LYN: variants seen among roughly 807,000 people sequenced by gnomAD.
LYN encodes tyrosine-protein kinase Lyn.
LYN carries 12 observed loss-of-function variants against 65.0 expected under a neutral mutation model. The observed-to-expected ratio is 0.18, with a 90% CI of 0.12 to 0.30. The LOEUF (loss-of-function observed/expected upper bound fraction) is 0.30. LYN is among the 10% of genes least tolerant of loss of function. LYN has a pLI of 1.00. For synonymous variants in LYN, 222 were observed against 221.2 expected (o/e 1.00, Z -0.03); for missense variants, 380 against 623.2 (o/e 0.61, Z 4.16).
intron 1 of LYN, among the ~76,000 whole-genome samples, chr8:55,900,967 A>G (rs1241759956): frequency 6.6e-6 from 1 of 152,014 alleles, no homozygotes. Context: ...GGCAAAGAAG[A>G]CGTGGATTGA....
At chr8:55,968,164 A>T (rs1425620670) in intron 9 of LYN, among the ~76,000 whole-genome samples, 1 of 152,148 alleles carries the variant, frequency 6.6e-6, no homozygotes, top group Non-Finnish European at 1.5e-5. Flanking sequence ...ACCTTATAGG[A>T]GTTCAGTAAA....
At chr8:55,920,944 G>A (rs1000053078) in intron 1 of LYN, among the ~76,000 whole-genome samples, 5 of 152,072 alleles carry the variant, frequency 3.3e-5, no homozygotes, top group Non-Finnish European at 5.9e-5. Context: ...TGATCTGCCC[G>A]CCTTAGCCTC....
chr8:55,936,504 G>A lies in LYN; in HGVS notation c.-5-5351G>A, dbSNP rs1303261632. On this transcript the variant is annotated intron_variant, in intron 1 of 12. Transcript: ENST00000519728. ...AAAACACAAAAGTTAGCCAGGTGTG[G>A]TGGTGGGCACCTGTAATCCCAGCTA... 5.9e-5 allele frequency among the ~76,000 whole-genome samples: 9 copies of A among 152,310 alleles called. No homozygotes were observed. The South Asian group carries it at 1.7e-3, about 28-fold the overall frequency.
At chr8:55,911,285 A>ATTTTT (rs1209633804) in intron 1 of LYN, among the ~76,000 whole-genome samples, 1 of 27,774 alleles carries the variant, frequency 3.6e-5, no homozygotes, top group Non-Finnish European at 6.0e-5. Flanking sequence ...ATATATATAT[A>ATTTTT]TTTTTTTTTT....
At chr8:55,934,414 G>A (rs768187415) in intron 1 of LYN, among the ~76,000 whole-genome samples, 2 of 152,218 alleles carry the variant, frequency 1.3e-5, no homozygotes, top group Non-Finnish European at 2.9e-5. Context: ...CAGGGTTGCT[G>A]CTGTGCTGTT....
intron 1 of LYN, among the ~76,000 whole-genome samples, chr8:55,924,848 CTT>C (rs1806056679): frequency 6.6e-6 from 1 of 151,964 alleles, no homozygotes; most frequent in African/African-American, 2.4e-5. Flanking sequence ...AATGGTTTCC[CTT>C]TTGTTTGTTT....
chr8:55,895,312 C>T (rs567371547), intron 1 of LYN, among the ~76,000 whole-genome samples: 26 of 152,078 alleles, frequency 1.7e-4, no homozygotes, highest in African/African-American at 5.8e-4. Flanking sequence ...GAAGTGAGTC[C>T]CTTAGTTGGA....
chr8:55,984,257 T>A (rs560016271), intron 10 of LYN, among the ~76,000 whole-genome samples: 1 of 152,320 alleles, frequency 6.6e-6, no homozygotes, highest in African/African-American at 2.4e-5. Context: ...GGACATTAGT[T>A]AATCCAGCAC....
intron 8 of LYN, among the ~76,000 whole-genome samples, chr8:55,955,622 C>A (rs1807084548): frequency 6.6e-6 from 1 of 152,220 alleles, no homozygotes; most frequent in African/African-American, 2.4e-5. Flanking sequence ...CCTCCATCTA[C>A]TTTCAAAATG....
At chr8:55,928,987 A>ATACT (rs1554577977) in intron 1 of LYN, among the ~76,000 whole-genome samples, 4 of 152,068 alleles carry the variant, frequency 2.6e-5, no homozygotes, top group Non-Finnish European at 5.9e-5. Flanking sequence ...ATTTATTTAC[A>ATACT]TACTTATTTA....
chr8:55,904,774 A>G (rs1357768768), intron 1 of LYN, among the ~76,000 whole-genome samples: 1 of 152,166 alleles, frequency 6.6e-6, no homozygotes, highest in African/African-American at 2.4e-5. Flanking sequence ...GAAGATAAAC[A>G]TAAAAGGTTT....
rs918079653 is a variant in LYN, at chr8:55,880,026, G to T, written c.-83G>T. On this transcript the variant is annotated 5_prime_UTR_variant, in exon 1 of 13. Coordinates refer to ENST00000519728, the MANE Select transcript of LYN (RefSeq NM_002350.4). ...GCCTCCCCATACGCAGGTCCTGCTG[G>T]GCCGCCCCGTCGCGCCCCCCACTCT... 43 of 316,022 alleles carry T rather than the reference G, an allele frequency of 1.4e-4. No homozygotes were observed. The highest frequency in any genetic ancestry group is 8.9e-4 in the African/African-American group (39 of 43,956). 19.6% of individuals were successfully genotyped at this position (316,022 alleles called of 1,614,324 possible). A position where few individuals can be genotyped will look rare whatever the true frequency, so the allele number is the denominator to read the frequency against.
chr8:55,949,950 G>A (rs1206857862), intron 4 of LYN, among the ~76,000 whole-genome samples: 2 of 152,176 alleles, frequency 1.3e-5, no homozygotes, highest in Non-Finnish European at 2.9e-5. Context: ...GCAGCCCTAG[G>A]AAACCACGAA....
rs556701391 is a variant in LYN at position 55,935,363 on chromosome 8, T to C, written c.-5-6492T>C. ...CACCCTGGCTGCTGGGAGATTTTAT[T>C]GAGGAAAAATATTGGAGAATGTTTG... On this transcript the variant is annotated intron_variant, in intron 1 of 12. Coordinates refer to ENST00000519728, the MANE Select transcript of LYN (RefSeq NM_002350.4). 2.6e-5 allele frequency among the ~76,000 whole-genome samples: 4 copies of C among 152,268 alleles called. No individual in the cohort carries two copies. In the East Asian group the frequency reaches 7.7e-4, roughly 29 times the overall value.
chr8:56,005,680 G>T (rs190016687), intron 12 of LYN, among the ~76,000 whole-genome samples: 1 of 152,024 alleles, frequency 6.6e-6, no homozygotes, highest in East Asian at 1.9e-4. Flanking sequence ...TTTTGTTTTG[G>T]GATGAATTAC....
intron 10 of LYN, among the ~76,000 whole-genome samples, chr8:55,984,577 C>G (rs1808022175): frequency 6.6e-6 from 1 of 152,204 alleles, no homozygotes; most frequent in South Asian, 2.1e-4. Context: ...GTAGATTCAC[C>G]TTCCTAAGTC....
intron 1 of LYN, among the ~76,000 whole-genome samples, chr8:55,913,250 T>A (rs1805693154): frequency 6.6e-6 from 1 of 152,224 alleles, no homozygotes; most frequent in Non-Finnish European, 1.5e-5. Flanking sequence ...GTTTTAAAGT[T>A]TGCTATGTTG....
At chr8:55,970,399 C>A (rs975587123) in intron 10 of LYN, among the ~76,000 whole-genome samples, 1 of 152,182 alleles carries the variant, frequency 6.6e-6, no homozygotes, top group Non-Finnish European at 1.5e-5. Context: ...AGAAGCCCCA[C>A]AATGTGCCCA....
At chr8:55,994,144 T>C (rs146476144) in intron 10 of LYN, among the ~76,000 whole-genome samples, 1 of 152,096 alleles carries the variant, frequency 6.6e-6, no homozygotes, top group East Asian at 1.9e-4. Flanking sequence ...ATTAAGGTTT[T>C]AAAAAAAATA....
Sources: allele counts gnomAD v4.1 joint callset (sites outside exome capture counted in the v4.1 genomes callset), GRCh38; gene constraint gnomAD v4.1.1; transcripts MANE v1.5; gene names NCBI Gene and HGNC (gene_info 2026-07-23, HGNC 2026-07-21).